KPNA3: variants seen among roughly 807,000 people sequenced by gnomAD.
KPNA3 encodes karyopherin subunit alpha 3.
Under a neutral mutation model 73.8 loss-of-function variants are expected in KPNA3, and 13 were observed. The observed-to-expected ratio is 0.18, with a 90% CI of 0.11 to 0.28. The LOEUF (loss-of-function observed/expected upper bound fraction) is 0.28. KPNA3 is among the 10% of genes least tolerant of loss of function. The probability of loss-of-function intolerance (pLI) is 1.00; values close to 1 mark genes in which losing one functional copy is unlikely to be tolerated. For synonymous variants in KPNA3, 186 were observed against 206.9 expected (o/e 0.90, Z 0.87); for missense variants, 360 against 618.1 (o/e 0.58, Z 4.43).
At chr13:49,702,648 A>C (rs1312592139) in intron 15 of KPNA3, among the ~76,000 whole-genome samples, 168 bp from the exon 16 acceptor site, 1 of 152,178 alleles carries the variant, frequency 6.6e-6, no homozygotes, top group East Asian at 1.9e-4. Flanking sequence ...GGCTGCTTCT[A>C]GTTGGAGGAC....
intron 2 of KPNA3, among the ~76,000 whole-genome samples, chr13:49,745,774 T>C (rs566827277): frequency 3.9e-5 from 6 of 152,066 alleles, no homozygotes; most frequent in African/African-American, 1.4e-4. Flanking sequence ...TTAAAAGATA[T>C]ATGTATAGGC....
chr13:49,737,832 T>C (rs1025109220), intron 2 of KPNA3, among the ~76,000 whole-genome samples: 5 of 152,196 alleles, frequency 3.3e-5, no homozygotes, highest in African/African-American at 9.6e-5. Flanking sequence ...TTTTACTGAA[T>C]ACGTGGTTTA....
At chr13:49,785,621 T>C (rs888812763) in intron 1 of KPNA3, among the ~76,000 whole-genome samples, 1 of 151,840 alleles carries the variant, frequency 6.6e-6, no homozygotes, top group East Asian at 1.9e-4. Flanking sequence ...AGTCTACAGA[T>C]AAAAGAATCG....
At chr13:49,770,179 CT>C (rs35910811) in intron 1 of KPNA3, among the ~76,000 whole-genome samples, 2,966 of 83,846 alleles carry the variant, frequency 0.035, 20 homozygotes, top group African/African-American at 0.12. Flanking sequence ...TTGTGGGCTG[CT>C]TTTTTTTTTT....
At chr13:49,705,843 T>A in intron 14 of KPNA3, 60 bp from the exon 15 acceptor site, 1 of 1,398,610 alleles carries the variant, frequency 7.1e-7, no homozygotes, top group South Asian at 1.5e-5. Context: ...CCCAGTAGGG[T>A]GTCGTGCTAC....
In KPNA3 at chr13:49,732,672, G is replaced by A. The variant is rs1411010878; in HGVS notation, c.235-15C>T. 1.9e-6 allele frequency: 3 copies of A among 1,584,150 alleles called. No individual in the cohort carries two copies. The highest frequency in any genetic ancestry group is 2.6e-6 in the Non-Finnish European group (3 of 1,167,026). ...CTTGTGGCATTCTGCAATACCAAAT[G>A]TAAATTTCAGAAATGAAAAAAAAAA... On this transcript the variant is annotated splice_polypyrimidine_tract_variant and intron_variant, in intron 4 of 16. Transcript: ENST00000261667.
At chr13:49,734,432 A>C (rs1291888400) in intron 2 of KPNA3, among the ~76,000 whole-genome samples, 1 of 152,220 alleles carries the variant, frequency 6.6e-6, no homozygotes, top group Non-Finnish European at 1.5e-5. Context: ...GAAGTTCCCA[A>C]ACTTTCTCAG....
intron 2 of KPNA3, among the ~76,000 whole-genome samples, chr13:49,740,506 G>C: frequency 6.6e-6 from 1 of 152,240 alleles, no homozygotes; most frequent in East Asian, 1.9e-4. Flanking sequence ...TCTCATGATA[G>C]TGAATGAGTG....
chr13:49,723,885 GAAAAGAA>G (rs1378214769), intron 7 of KPNA3, among the ~76,000 whole-genome samples: 26 of 141,826 alleles, frequency 1.8e-4, no homozygotes, highest in South Asian at 6.7e-4. Context: ...AAAAAAAAAA[GAAAAGAA>G]AAAAGAAAAA....
intron 12 of KPNA3, 31 bp downstream of exon 12, chr13:49,709,541 A>T: frequency 1.4e-5 from 22 of 1,552,002 alleles, no homozygotes; most frequent in Non-Finnish European, 1.9e-5. Context: ...CACAGAAAGA[A>T]ATAGCATAAT....
rs74626362 is a variant in KPNA3 at position 49,701,775 on chromosome 13, G to T, written c.*25C>A. 8.7e-4 allele frequency: 1,205 copies of T among 1,383,094 alleles called. 13 individuals are homozygous for T. In the African/African-American group the frequency reaches 0.015, roughly 17 times the overall value. The allele number at this position is 1,383,094 out of a possible 1,614,324, so 85.7% of individuals were successfully genotyped here. A position where few individuals can be genotyped will look rare whatever the true frequency, so the allele number is the denominator to read the frequency against. ...CTGGTGGTGCTTCATATTGAATGTG[G>T]GAAAGATGCTGCACTCAACTGAATT... is the stretch of plus-strand genomic sequence containing the variant. On this transcript the variant is annotated 3_prime_UTR_variant, in exon 17 of 17. Coordinates refer to ENST00000261667, the MANE Select transcript of KPNA3 (RefSeq NM_002267.4).
At chr13:49,732,550 A>G in intron 5 of KPNA3, 55 bp downstream of exon 5, 4 of 1,457,236 alleles carry the variant, frequency 2.7e-6, no homozygotes, top group Non-Finnish European at 3.8e-6. Flanking sequence ...CTAGACTACC[A>G]GGTAACACAA....
chr13:49,701,939 C>G, intron 16 of KPNA3, 41 bp from the exon 17 acceptor site: 1 of 1,321,888 alleles, frequency 7.6e-7, no homozygotes, highest in African/African-American at 1.4e-5. Context: ...GGTTATGATA[C>G]TATACATTAT....
intron 10 of KPNA3, among the ~76,000 whole-genome samples, chr13:49,716,036 A>G (rs1954301529): frequency 6.6e-6 from 1 of 152,200 alleles, no homozygotes; most frequent in African/African-American, 2.4e-5. Flanking sequence ...ATAATAATGA[A>G]ATTGTAGACT....
At chr13:49,783,737 A>C (rs9535340) in intron 1 of KPNA3, among the ~76,000 whole-genome samples, 128,585 of 152,118 alleles carry the variant, frequency 0.85, 54,590 homozygotes, top group East Asian at 1. Context: ...AAATGTCATC[A>C]ATTTCATGTC....
chr13:49,780,234 T>C (rs1954930242), intron 1 of KPNA3, among the ~76,000 whole-genome samples: 2 of 152,158 alleles, frequency 1.3e-5, no homozygotes, highest in Admixed American at 1.3e-4. Context: ...ACCACACTCA[T>C]TTGTTTGCCT....
At chr13:49,744,842 T>C (rs1409016709) in intron 2 of KPNA3, among the ~76,000 whole-genome samples, 8 of 152,210 alleles carry the variant, frequency 5.3e-5, no homozygotes, top group Non-Finnish European at 1.0e-4. Context: ...CCAATGAGCA[T>C]GACACTGATT....
At chr13:49,724,282 T>C (rs567198166) in intron 7 of KPNA3, among the ~76,000 whole-genome samples, 1 of 151,902 alleles carries the variant, frequency 6.6e-6, no homozygotes, top group Non-Finnish European at 1.5e-5. Flanking sequence ...CACCTAGGAG[T>C]AGAACTGCTG....
At chr13:49,748,567 T>C (rs1480702716) in intron 1 of KPNA3, among the ~76,000 whole-genome samples, 1 of 152,020 alleles carries the variant, frequency 6.6e-6, no homozygotes, top group Non-Finnish European at 1.5e-5. Context: ...ACCACAGTGA[T>C]CTTCTTAAGA....
Sources: allele counts gnomAD v4.1 joint callset (sites outside exome capture counted in the v4.1 genomes callset), GRCh38; gene constraint gnomAD v4.1.1; transcripts MANE v1.5; gene names NCBI Gene and HGNC (gene_info 2026-07-23, HGNC 2026-07-21).